The following MBD5 variants were observed in gnomAD, a reference collection of about 807,000 sequenced individuals.
The protein encoded by MBD5 is methyl-CpG-binding domain protein 5.
A neutral mutation model predicts 117.3 loss-of-function variants in MBD5; 13 were observed. The observed-to-expected ratio is 0.11, with a 90% CI of 0.07 to 0.18. MBD5 has a LOEUF of 0.18. Among genes scored for constraint, MBD5 ranks in the 10% least tolerant of loss-of-function variants. The probability of loss-of-function intolerance (pLI) is 1.00; values close to 1 mark genes in which losing one functional copy is unlikely to be tolerated. For missense variants in MBD5, 1,879 were observed against 2,093.8 expected, an observed-to-expected ratio of 0.90 and a Z score of 2.00; for synonymous variants, 727 against 766.4, an observed-to-expected ratio of 0.95 and a Z score of 0.85.
intron 4 of MBD5, among the ~76,000 whole-genome samples, chr2:148,355,151 T>A (rs1251332670): frequency 6.6e-6 from 1 of 152,176 alleles, no homozygotes; most frequent in Non-Finnish European, 1.5e-5. Flanking sequence ...TTTTTTAAGT[T>A]CCTTGTAGAT....
chr2:148,331,292 C>T (rs943635608), intron 3 of MBD5, among the ~76,000 whole-genome samples: 4 of 152,014 alleles, frequency 2.6e-5, no homozygotes, highest in South Asian at 2.1e-4. Flanking sequence ...ATTAAGTAGT[C>T]GTTCAAGACT....
At position 148,470,344 on chromosome 2, in the gene MBD5, A is replaced by G. The variant is rs1680754122; in HGVS notation, c.2401A>G (p.Met801Val). ...CTGTGGGATGCTCAGTCAGTCGGGC[A>G]TGGCTTTAGGAAATTCCTTACATCC... is the stretch of plus-strand genomic sequence containing the variant. Reference protein sequence around the residue: ...GNCGMLSQSGMALGNSLHPNP... With the variant: ...GNCGMLSQSGVALGNSLHPNP... Residue 801 changes from methionine to valine, a missense_variant, in exon 8 of 14, where the codon ATG becomes GTG. This residue lies in a region of MBD5 where 1,666 missense variants were observed against 1,792.2 expected (regional missense o/e 0.93). Transcript: ENST00000642680. The G allele has an allele frequency of 6.2e-7, 1 of 1,613,804 alleles. No individual in the cohort carries two copies. Among genetic ancestry groups the G allele is most frequent in the Non-Finnish European group, 8.5e-7 (1 of 1,179,892 alleles).
At chr2:148,368,265 G>A (rs1047874134) in intron 4 of MBD5, among the ~76,000 whole-genome samples, 4 of 152,070 alleles carry the variant, frequency 2.6e-5, no homozygotes, top group African/African-American at 9.7e-5. Flanking sequence ...TCATAAGTGG[G>A]AACCGTACAA....
intron 3 of MBD5, among the ~76,000 whole-genome samples, chr2:148,278,156 TTCTA>T (rs1384990387): frequency 6.6e-6 from 1 of 152,230 alleles, no homozygotes; most frequent in Non-Finnish European, 1.5e-5. Flanking sequence ...TAGCCTTTGA[TTCTA>T]TCTTCTTTCA....
At chr2:148,328,550 G>C (rs1013474151) in intron 3 of MBD5, among the ~76,000 whole-genome samples, 1 of 152,234 alleles carries the variant, frequency 6.6e-6, no homozygotes, top group East Asian at 1.9e-4. Flanking sequence ...CTGGTGCACC[G>C]CTTTTTAAGC....
At position 148,021,484 on chromosome 2, in the gene MBD5, C is replaced by T; in HGVS notation, c.-1125C>T. On this transcript the variant is annotated 5_prime_UTR_variant, in exon 1 of 14. Coordinates refer to ENST00000642680, the MANE Select transcript of MBD5 (RefSeq NM_001378120.1). ...GCTGTTGCTGCTGCTGCTGCTGTTG[C>T]TGCTGCTGCTGCTACTGCTGCTGCT... 2 of 564,074 alleles carry T rather than the reference C, an allele frequency of 3.5e-6. No individual in the cohort carries two copies. 34.9% of individuals were successfully genotyped at this position (564,074 alleles called of 1,614,324 possible).
intron 1 of MBD5, among the ~76,000 whole-genome samples, chr2:148,032,349 G>A (rs1412002526): frequency 2.0e-5 from 3 of 152,106 alleles, no homozygotes; most frequent in Admixed American, 1.3e-4. Flanking sequence ...AGAGAGGTAC[G>A]TAATATGAGG....
intron 4 of MBD5, among the ~76,000 whole-genome samples, chr2:148,389,277 T>C (rs866340337): frequency 1.1e-5 from 1 of 89,266 alleles, no homozygotes; most frequent in African/African-American, 4.5e-5. Context: ...TATATATATA[T>C]ATATATATAT....
At chr2:148,334,010 T>C (rs776934032) in intron 3 of MBD5, among the ~76,000 whole-genome samples, 1 of 152,204 alleles carries the variant, frequency 6.6e-6, no homozygotes, top group African/African-American at 2.4e-5. Flanking sequence ...CTTTTTAGTT[T>C]CTTCTTTTTT....
At chr2:148,403,287 C>T (rs749324830) in intron 4 of MBD5, among the ~76,000 whole-genome samples, 1 of 151,918 alleles carries the variant, frequency 6.6e-6, no homozygotes, top group East Asian at 1.9e-4. Context: ...TCAAGCGATT[C>T]TTGTGCCTCA....
chr2:148,509,707 C>A (rs1682157768), intron 12 of MBD5, among the ~76,000 whole-genome samples: 1 of 152,190 alleles, frequency 6.6e-6, no homozygotes, highest in South Asian at 2.1e-4. Flanking sequence ...AAACAAGAAG[C>A]AACACAGGGC....
At chr2:148,259,798 C>T (rs1050833913) in intron 3 of MBD5, among the ~76,000 whole-genome samples, 2 of 152,182 alleles carry the variant, frequency 1.3e-5, no homozygotes, top group African/African-American at 4.8e-5. Flanking sequence ...GAGCTGTGCA[C>T]CTGCACCACA....
chr2:148,481,572 A>C (rs1306374750), intron 8 of MBD5, among the ~76,000 whole-genome samples: 2 of 152,208 alleles, frequency 1.3e-5, no homozygotes, highest in African/African-American at 4.8e-5. Context: ...AAAATAATAA[A>C]ATATTTGTCA....
chr2:148,315,735 G>C (rs1017845818), intron 3 of MBD5, among the ~76,000 whole-genome samples: 2 of 152,048 alleles, frequency 1.3e-5, no homozygotes, highest in Non-Finnish European at 2.9e-5. Flanking sequence ...CATGTACCAG[G>C]CACTGCATTC....
chr2:148,146,675 A>G (rs1697476182), intron 1 of MBD5, among the ~76,000 whole-genome samples: 1 of 152,084 alleles, frequency 6.6e-6, no homozygotes, highest in Non-Finnish European at 1.5e-5. Context: ...TATTTAAAAA[A>G]ATTATTATTA....
At chr2:148,237,441 A>T (rs2106171375) in intron 3 of MBD5, among the ~76,000 whole-genome samples, 1 of 152,308 alleles carries the variant, frequency 6.6e-6, no homozygotes, top group Middle Eastern at 3.4e-3. Context: ...CCTAATTACA[A>T]TATTGTATTT....
At chr2:148,446,602 C>CTATGTGTGTGTTTG (rs1553516216) in intron 4 of MBD5, among the ~76,000 whole-genome samples, 2 of 148,784 alleles carry the variant, frequency 1.3e-5, no homozygotes, top group Admixed American at 1.3e-4. Context: ...GATTATTTAT[C>CTATGTGTGTGTTTG]TGTGTGTGTG....
intron 5 of MBD5, 40 bp downstream of exon 5, chr2:148,458,911 A>C (rs759196564): frequency 6.7e-7 from 1 of 1,491,660 alleles, no homozygotes; most frequent in South Asian, 1.1e-5. Flanking sequence ...GCAAAGTTGT[A>C]CTCCAAAGAC....
rs556377049 is a variant in MBD5, at chr2:148,121,764, C to A, written c.-924-56936C>A. Among the ~76,000 whole-genome samples, 5 of 152,188 alleles carry A rather than the reference C, an allele frequency of 3.3e-5. No individual in the cohort carries two copies. The South Asian group carries it at 1.0e-3, about 32-fold the overall frequency. On this transcript the variant is annotated intron_variant, in intron 1 of 13. Transcript: ENST00000642680. The stretch of plus-strand genomic sequence containing the variant: ...ACATCTTGCCATGAGGGGTTAGATT[C>A]ATTAAGGATACTCTAAAAGCTGAAA...
Sources: allele counts gnomAD v4.1 joint callset (sites outside exome capture counted in the v4.1 genomes callset), GRCh38; gene constraint gnomAD v4.1.1; regional missense constraint gnomAD v4.1.1; transcripts MANE v1.5; gene names NCBI Gene and HGNC (gene_info 2026-07-23, HGNC 2026-07-21).